The following PRKDC variants were observed in gnomAD, a reference collection of about 807,000 sequenced individuals.
The protein encoded by PRKDC is DNA-dependent protein kinase catalytic subunit.
A neutral mutation model predicts 486.9 loss-of-function variants in PRKDC; 82 were observed. The observed-to-expected ratio is 0.17, with a 90% confidence interval of 0.14 to 0.20. PRKDC has a LOEUF of 0.20. Among genes scored for constraint, PRKDC ranks in the 10% least tolerant of loss-of-function variants. The pLI is 1.00. For synonymous variants in PRKDC, 1,895 were observed against 1,837.0 expected, an observed-to-expected ratio of 1.03 and a Z score of -0.81; for missense variants, 4,504 against 5,038.2, an observed-to-expected ratio of 0.89 and a Z score of 3.21.
intron 27 of PRKDC, among the ~76,000 whole-genome samples, chr8:47,901,234 G>A (rs1384093904): frequency 1.3e-5 from 2 of 152,066 alleles, no homozygotes; most frequent in East Asian, 3.9e-4. Context: ...CTAGAACTTT[G>A]GGAGGCTGAG....
At chr8:47,813,406 C>A (rs1019068165) in intron 68 of PRKDC, among the ~76,000 whole-genome samples, 1 of 152,012 alleles carries the variant, frequency 6.6e-6, no homozygotes, top group African/African-American at 2.4e-5. Context: ...GTGTAAGCCA[C>A]CATGCCCAGC....
chr8:47,955,279 G>A (rs1268393583), intron 4 of PRKDC, among the ~76,000 whole-genome samples: 8 of 150,994 alleles, frequency 5.3e-5, no homozygotes, highest in Admixed American at 4.6e-4. Context: ...CGGCTAAAAC[G>A]GTGAAACCTC....
intron 59 of PRKDC, among the ~76,000 whole-genome samples, chr8:47,832,951 AGGCCTGGCGCCC>A (rs1563757710): frequency 6.6e-6 from 1 of 152,234 alleles, no homozygotes; most frequent in Non-Finnish European, 1.5e-5. Context: ...GGATGGCACC[AGGCCTGGCGCCC>A]GCAGCCCTGC....
chr8:47,869,873 G>C (rs1002694397), intron 40 of PRKDC, among the ~76,000 whole-genome samples: 9 of 152,166 alleles, frequency 5.9e-5, no homozygotes, highest in African/African-American at 2.2e-4. Context: ...TGAGCCTTGA[G>C]TGAAAATCAG....
intron 74 of PRKDC, among the ~76,000 whole-genome samples, chr8:47,792,736 C>A (rs912501136): frequency 1.3e-5 from 2 of 152,078 alleles, no homozygotes; most frequent in Non-Finnish European, 1.5e-5. Context: ...AACATAGACA[C>A]CTACTATGTA....
In PRKDC at chr8:47,957,283, T is replaced by C. The variant is rs755387421; in HGVS notation, c.232-20A>G. 2.4e-5 allele frequency: 38 copies of C among 1,579,944 alleles called. No individual in the cohort carries two copies. Among genetic ancestry groups the C allele is most frequent in the Middle Eastern group, 1.8e-4 (1 of 5,528 alleles). On this transcript the variant is annotated intron_variant, in intron 2 of 85. Coordinates refer to ENST00000314191, the MANE Select transcript of PRKDC (RefSeq NM_006904.7). ...ACGAAACTGTAATGAAAGAGATACATATTGTAAATATGGGTAAGAGGAGTC... is the reference window on the plus strand; with the variant it reads ...ACGAAACTGTAATGAAAGAGATACACATTGTAAATATGGGTAAGAGGAGTC...
At chr8:47,798,428 G>A (rs2087025214) in intron 72 of PRKDC, 31 bp from the exon 73 acceptor site, 1 of 1,540,190 alleles carries the variant, frequency 6.5e-7, no homozygotes, top group Non-Finnish European at 8.7e-7. Flanking sequence ...GAAAGCAATG[G>A]TCAATGTATC....
chr8:47,807,501 C>T (rs548042028), intron 68 of PRKDC, among the ~76,000 whole-genome samples, 175 bp from the exon 69 acceptor site: 26 of 152,144 alleles, frequency 1.7e-4, no homozygotes, highest in African/African-American at 6.0e-4. Flanking sequence ...TCACGGCATG[C>T]TCTGCCTCCC....
In PRKDC at chr8:47,821,807, T is replaced by C; in HGVS notation, c.8923-15A>G. 8 of 1,519,410 alleles carry C rather than the reference T, an allele frequency of 5.3e-6. No homozygotes were observed. Among genetic ancestry groups the C allele is most frequent in the Non-Finnish European group, 6.1e-6 (7 of 1,140,790 alleles). 94.1% of individuals were successfully genotyped at this position (1,519,410 alleles called of 1,614,324 possible). A position where few individuals can be genotyped will look rare whatever the true frequency, so the allele number is the denominator to read the frequency against. On this transcript the variant is annotated splice_polypyrimidine_tract_variant and intron_variant, in intron 64 of 85. Transcript: ENST00000314191. The stretch of plus-strand genomic sequence containing the variant: ...TTATTGAGAGCCTAGTGGAGAAAAG[T>C]TAATAAAATTATTTTACAAAGTTGG...
intron 40 of PRKDC, among the ~76,000 whole-genome samples, chr8:47,869,598 TGTG>T (rs1206822182): frequency 6.6e-6 from 1 of 151,868 alleles, no homozygotes; most frequent in East Asian, 2.0e-4. Context: ...CATTCCCAGT[TGTG>T]GTGGCCACAG....
intron 68 of PRKDC, 129 bp from the exon 69 acceptor site, chr8:47,807,455 GTTGCC>G (rs1381968686): frequency 1.3e-6 from 1 of 780,690 alleles, no homozygotes; most frequent in Non-Finnish European, 1.9e-6. Flanking sequence ...GTCTCACTCT[GTTGCC>G]CAGGCTGGAG....
rs541604386 is a variant in PRKDC at position 47,776,344 on chromosome 8, C to T, written c.12182+500G>A. Among the ~76,000 whole-genome samples the T allele has an allele frequency of 1.4e-4, 21 of 152,224 alleles. 1 individual carries two copies. In the South Asian group the frequency reaches 4.1e-3, roughly 30 times the overall value. On this transcript the variant is annotated intron_variant, in intron 85 of 85. Coordinates refer to ENST00000314191, the MANE Select transcript of PRKDC (RefSeq NM_006904.7). ...TTCTAAAGTCCAACTTTTTTCATTCCTATGAATCATCTCCATAAATTTCTA... is the reference window on the plus strand; with the variant it reads ...TTCTAAAGTCCAACTTTTTTCATTCTTATGAATCATCTCCATAAATTTCTA...
In PRKDC at chr8:47,876,660, C is replaced by CA. The variant is rs777302610; in HGVS notation, c.5363+1063dup. Among the ~76,000 whole-genome samples, 1,142 of 129,728 alleles carry CA rather than the reference C, an allele frequency of 8.8e-3. 7 individuals are homozygous for CA. Among genetic ancestry groups the CA allele is most frequent in the Middle Eastern group, 0.021 (5 of 240 alleles). The allele number at this position is 129,728 out of a possible 152,430, so 85.1% of individuals were successfully genotyped here. On this transcript the variant is annotated intron_variant, in intron 40 of 85. Transcript: ENST00000314191. ...TGGGTTACAGAGCCAGACTCTGTCT[C>CA]AAAAAAAAAAAAAAATCAACAATCA...
At chr8:47,791,101 A>T (rs1304312518) in intron 74 of PRKDC, among the ~76,000 whole-genome samples, 1 of 152,246 alleles carries the variant, frequency 6.6e-6, no homozygotes, top group Non-Finnish European at 1.5e-5. Flanking sequence ...GCTTCTGCAC[A>T]GCAAAGGAAA....
chr8:47,937,147 G>C (rs1339382898), intron 11 of PRKDC, among the ~76,000 whole-genome samples: 1 of 150,678 alleles, frequency 6.6e-6, no homozygotes, highest in Non-Finnish European at 1.5e-5. Flanking sequence ...TGTAATCCCA[G>C]CTACTCAAGA....
chr8:47,940,461 C>T (rs1464240719), intron 10 of PRKDC, among the ~76,000 whole-genome samples: 1 of 152,216 alleles, frequency 6.6e-6, no homozygotes, highest in Non-Finnish European at 1.5e-5. Context: ...CCACTGCCAA[C>T]TTATCCATAC....
At chr8:47,784,335 C>A (rs548962321) in intron 77 of PRKDC, among the ~76,000 whole-genome samples, 2 of 152,134 alleles carry the variant, frequency 1.3e-5, no homozygotes, top group Admixed American at 6.5e-5. Context: ...TGGACAAATC[C>A]TAAGTAGAAA....
In PRKDC at chr8:47,834,343, C is replaced by T. The variant is rs1302832606; in HGVS notation, c.8005G>A (p.Asp2669Asn). ...LTGSSTDPLV[D>N]HTSPSSDSLL... ...GAGTCAGATGAGGGACTGGTGTGGT[C>T]GACCAGCGGGTCAGTGCTGCTCCCG... Residue 2669 changes from aspartate to asparagine, a missense_variant, in exon 59 of 86, where the codon GAC becomes AAC. By Grantham distance (23) the Asp-to-Asn change is conservative (BLOSUM62 1). Around this residue, in one of 6 missense-constraint regions of PRKDC, gnomAD observed 1,592 missense variants for 1,724.6 expected, o/e 0.92. Transcript: ENST00000314191. 5.6e-6 allele frequency: 9 copies of T among 1,613,810 alleles called. No homozygotes were observed. The highest frequency in any genetic ancestry group is 1.1e-5 in the South Asian group (1 of 91,074).
chr8:47,858,953 G>C lies in PRKDC; in HGVS notation c.6241C>G (p.Leu2081Val). ...QRDPTVHDDV[L>V]ELEMDELNRH... ...TTGAGCTCGTCCATCTCCAGCTCCA[G>C]CACATCATCATGCACCGTGGGGTCC... The change falls in exon 47 of 86, where the codon CTG (leucine) becomes GTG (valine). Residue 2081 changes from leucine to valine, a missense_variant. Physicochemically the swap from Leu to Val is conservative, Grantham distance 32. Transcript: ENST00000314191. 6.2e-7 allele frequency: 1 copy of C among 1,613,610 alleles called. No individual in the cohort carries two copies.
Sources: allele counts gnomAD v4.1 joint callset (sites outside exome capture counted in the v4.1 genomes callset), GRCh38; gene constraint gnomAD v4.1.1; regional missense constraint gnomAD v4.1.1; transcripts MANE v1.5; gene names NCBI Gene and HGNC (gene_info 2026-07-23, HGNC 2026-07-21).